BMPR2: variants seen among roughly 807,000 people sequenced by gnomAD.
BMPR2 encodes bone morphogenetic protein receptor type-2.
In BMPR2, 29 loss-of-function variants were observed where a neutral mutation model predicts 100.8. That is an observed-to-expected ratio of 0.29 (90% CI 0.21 to 0.39). The LOEUF (loss-of-function observed/expected upper bound fraction) is 0.39. Ranked by LOEUF, BMPR2 falls within the 10% of genes least tolerant of loss-of-function variation. BMPR2 has a pLI of 1.00. For missense variants in BMPR2, 1,011 were observed against 1,274.5 expected, an observed-to-expected ratio of 0.79 and a Z score of 3.15; for synonymous variants, 382 against 442.3, an observed-to-expected ratio of 0.86 and a Z score of 1.71.
intron 3 of BMPR2, among the ~76,000 whole-genome samples, chr2:202,500,455 TGAG>T (rs1259425140): frequency 7.2e-5 from 11 of 152,312 alleles, no homozygotes; most frequent in African/African-American, 2.6e-4. Flanking sequence ...GTCCCCTACT[TGAG>T]GAGGGAATCA....
In BMPR2 at chr2:202,537,050, C is replaced by G. The variant is rs976538310; in HGVS notation, c.1276+4318C>G. Among the ~76,000 whole-genome samples, 19 of 152,136 alleles carry G rather than the reference C, an allele frequency of 1.2e-4. No individual in the cohort carries two copies. In the East Asian group the frequency reaches 3.7e-3, roughly 29 times the overall value. ...TAGCTAGGACTACAGGTGCATGCCA[C>G]CACGCCCGGCTAGTATTTTATTTTT... On this transcript the variant is annotated intron_variant, in intron 9 of 12. Transcript: ENST00000374580.
intron 1 of BMPR2, among the ~76,000 whole-genome samples, chr2:202,400,659 A>C (rs1690753785): frequency 6.6e-6 from 1 of 152,122 alleles, no homozygotes; most frequent in Admixed American, 6.6e-5. Flanking sequence ...GAGAGTTTTA[A>C]AATTTATGTT....
Position 202,534,787 on chromosome 2 carries a change from G to T in BMPR2, c.1276+2055G>T, listed in dbSNP as rs556653006. Among the ~76,000 whole-genome samples the T allele has an allele frequency of 2.0e-5, 3 of 152,254 alleles. No homozygotes were observed. In the East Asian group the frequency reaches 5.8e-4, roughly 29 times the overall value. ...AATGAGCTGTTGGGCACACCTCCCA[G>T]ACGGGGTGGTGGCCGGGCAGAGAGG... On this transcript the variant is annotated intron_variant, in intron 9 of 12. Transcript: ENST00000374580.
chr2:202,519,219 C>T (rs759588187), intron 6 of BMPR2, among the ~76,000 whole-genome samples, 167 bp downstream of exon 6: 2 of 152,110 alleles, frequency 1.3e-5, no homozygotes, highest in East Asian at 1.9e-4. Context: ...AAAAATTAGC[C>T]GGGTATGATG....
intron 1 of BMPR2, among the ~76,000 whole-genome samples, chr2:202,458,508 C>T (rs1332063445): frequency 1.1e-4 from 16 of 151,898 alleles, no homozygotes; most frequent in Admixed American, 1.1e-3. Context: ...GCTTAATTCT[C>T]TTATAGTCTA....
At position 202,479,686 on chromosome 2, in the gene BMPR2, T is replaced by G. The variant is rs148056449; in HGVS notation, c.418+11997T>G. 3.5e-4 allele frequency among the ~76,000 whole-genome samples: 54 copies of G among 152,244 alleles called. 1 individual carries two copies. Among genetic ancestry groups the G allele is most frequent in the Admixed American group, 8.5e-4 (13 of 15,290 alleles). ...AATAAGCACTACTGTGTTTTAACCT[T>G]TGGCAGCTTTTATTCTTTCCTCCCA... is the stretch of plus-strand genomic sequence containing the variant. On this transcript the variant is annotated intron_variant, in intron 3 of 12. Coordinates refer to ENST00000374580, the MANE Select transcript of BMPR2 (RefSeq NM_001204.7).
chr2:202,535,681 G>A (rs1306223751), intron 9 of BMPR2, among the ~76,000 whole-genome samples: 2 of 152,012 alleles, frequency 1.3e-5, no homozygotes, highest in Admixed American at 1.3e-4. Flanking sequence ...CCCAGACGGG[G>A]TGGCGGCCGG....
At chr2:202,454,778 A>G (rs1424175731) in intron 1 of BMPR2, among the ~76,000 whole-genome samples, 1 of 152,204 alleles carries the variant, frequency 6.6e-6, no homozygotes, top group African/African-American at 2.4e-5. Context: ...CTAAAATAGC[A>G]CTAGAGACAC....
rs112139768 is a variant in BMPR2, at chr2:202,426,711, G to A, written c.77-38098G>A. 2.0e-3 allele frequency among the ~76,000 whole-genome samples: 302 copies of A among 151,836 alleles called. 1 individual carries two copies. Among genetic ancestry groups the A allele is most frequent in the African/African-American group, 6.9e-3 (284 of 41,420 alleles). On this transcript the variant is annotated intron_variant, in intron 1 of 12. Coordinates refer to ENST00000374580, the MANE Select transcript of BMPR2 (RefSeq NM_001204.7). ...CACCTGGGCAACATAGTAAGATCCC[G>A]TCTCTTCAAATATTTAAAAACTAGC...
chr2:202,473,684 G>A (rs891956322), intron 3 of BMPR2, among the ~76,000 whole-genome samples: 2 of 151,972 alleles, frequency 1.3e-5, no homozygotes, highest in Admixed American at 1.3e-4. Flanking sequence ...CCACCTATTC[G>A]GGAGGCTGAG....
At position 202,533,280 on chromosome 2, in the gene BMPR2, G is replaced by A. The variant is rs114663567; in HGVS notation, c.1276+548G>A. ...GAAAGAATACTCATTGGCCAGGTGCGGTGGCTCATGCCTATAATCCCAGCA... is the reference window on the plus strand; with the variant it reads ...GAAAGAATACTCATTGGCCAGGTGCAGTGGCTCATGCCTATAATCCCAGCA... On this transcript the variant is annotated intron_variant, in intron 9 of 12. Coordinates refer to ENST00000374580, the MANE Select transcript of BMPR2 (RefSeq NM_001204.7). Among the ~76,000 whole-genome samples, 314 of 151,778 alleles carry A rather than the reference G, an allele frequency of 2.1e-3. 1 individual carries two copies. Among genetic ancestry groups the A allele is most frequent in the African/African-American group, 6.7e-3 (279 of 41,350 alleles).
chr2:202,433,737 G>A (rs1452719791), intron 1 of BMPR2, among the ~76,000 whole-genome samples: 1 of 150,210 alleles, frequency 6.7e-6, no homozygotes, highest in African/African-American at 2.5e-5. Flanking sequence ...GTGTAACCCC[G>A]TCTCTACTAA....
At chr2:202,439,931 A>T (rs1468636347) in intron 1 of BMPR2, among the ~76,000 whole-genome samples, 1 of 149,930 alleles carries the variant, frequency 6.7e-6, no homozygotes, top group African/African-American at 2.5e-5. Flanking sequence ...GGTACTTGAG[A>T]TTAGGGAGTT....
intron 3 of BMPR2, among the ~76,000 whole-genome samples, chr2:202,502,748 T>C (rs1311606618): frequency 6.6e-6 from 1 of 152,106 alleles, no homozygotes; most frequent in Non-Finnish European, 1.5e-5. Context: ...GGAAGAGTGT[T>C]GTTTTTACAC....
At chr2:202,548,161 C>A (rs1372592474) in intron 10 of BMPR2, among the ~76,000 whole-genome samples, 1 of 152,030 alleles carries the variant, frequency 6.6e-6, no homozygotes, top group African/African-American at 2.4e-5. Context: ...TAGTACATTT[C>A]AGAAGAAACT....
rs185666664 is a variant in BMPR2, at chr2:202,428,287, C to T, written c.77-36522C>T. ...CTCTACACACTGCCAGTCTCTCTCC[C>T]TTGTCATACTGTCAGAGTCCCTATT... On this transcript the variant is annotated intron_variant, in intron 1 of 12. Coordinates refer to ENST00000374580, the MANE Select transcript of BMPR2 (RefSeq NM_001204.7). Among the ~76,000 whole-genome samples, 544 of 152,158 alleles carry T rather than the reference C, an allele frequency of 3.6e-3. 5 individuals are homozygous for T. The highest frequency in any genetic ancestry group is 5.3e-3 in the Non-Finnish European group (357 of 67,998).
chr2:202,486,758 G>T (rs1692787142), intron 3 of BMPR2, among the ~76,000 whole-genome samples: 1 of 152,128 alleles, frequency 6.6e-6, no homozygotes, highest in African/African-American at 2.4e-5. Context: ...GGGCATGGTG[G>T]TTTACACCTA....
chr2:202,533,981 A>G (rs144222247), intron 9 of BMPR2, among the ~76,000 whole-genome samples: 321 of 152,288 alleles, frequency 2.1e-3, no homozygotes, highest in Non-Finnish European at 3.7e-3. Flanking sequence ...TCTAGGTGCT[A>G]TACAGATGAT....
intron 1 of BMPR2, among the ~76,000 whole-genome samples, chr2:202,463,834 T>C (rs752330024): frequency 9.2e-5 from 14 of 152,232 alleles, no homozygotes; most frequent in Non-Finnish European, 1.6e-4. Flanking sequence ...TTTCTTTTTC[T>C]GGTTATTATA....
Sources: allele counts gnomAD v4.1 joint callset (sites outside exome capture counted in the v4.1 genomes callset), GRCh38; gene constraint gnomAD v4.1.1; transcripts MANE v1.5; gene names NCBI Gene and HGNC (gene_info 2026-07-23, HGNC 2026-07-21).